Variants in KEL observed in about 807,000 individuals in gnomAD.
The protein encoded by KEL is kell blood group glycoprotein.
Under a neutral mutation model 99.5 loss-of-function variants are expected in KEL, and 96 were observed. The ratio of observed to expected loss-of-function variants is 0.97; its 90% CI spans 0.82 to 1.14. The LOEUF (loss-of-function observed/expected upper bound fraction) is 1.14, where lower values mean the gene tolerates loss of function less well. Ranked by LOEUF, KEL falls within the 50% of genes most tolerant of loss-of-function variation. The probability of loss-of-function intolerance (pLI) is 0.00; values close to 1 mark genes in which losing one functional copy is unlikely to be tolerated. For missense variants in KEL, 926 were observed against 924.2 expected (o/e 1.00, Z -0.03); for synonymous variants, 355 against 354.8 (o/e 1.00, Z -0.01).
Position 142,942,857 on chromosome 7 carries a change from C to T in KEL, c.1941+18G>A. 2.5e-6 allele frequency: 4 copies of T among 1,613,990 alleles called. No individual in the cohort carries two copies. The highest frequency in any genetic ancestry group is 2.5e-6 in the Non-Finnish European group (3 of 1,179,870). On this transcript the variant is annotated intron_variant, in intron 17 of 18. Transcript: ENST00000355265. ...GTCTGCCAGTACACATAAACTGTGG[C>T]CCTTGACACTTGCATACCTGCAGCG...
At chr7:142,948,391 A>C (rs183167547) in intron 10 of KEL, among the ~76,000 whole-genome samples, 1 of 152,332 alleles carries the variant, frequency 6.6e-6, no homozygotes, top group East Asian at 1.9e-4. Context: ...CACCAGAAAA[A>C]AAAAGTTCCA....
In KEL at chr7:142,957,099, C is replaced by G. The variant is rs575806570; in HGVS notation, c.672+728G>C. Among the ~76,000 whole-genome samples the G allele has an allele frequency of 1.1e-4, 17 of 152,294 alleles. No homozygotes were observed. The East Asian group carries it at 3.3e-3, about 29-fold the overall frequency. On this transcript the variant is annotated intron_variant, in intron 6 of 18. Transcript: ENST00000355265. ...AACACAGAGTGATAAATGCTGAGAG[C>G]ATGAGGAAACGAAAGTAGGGAGAGC...
At position 142,954,475 on chromosome 7, in the gene KEL, A is replaced by G; in HGVS notation, c.725T>C (p.Ile242Thr). The G allele has an allele frequency of 6.2e-7, 1 of 1,614,024 alleles. No individual in the cohort carries two copies. Among genetic ancestry groups the G allele is most frequent in the Non-Finnish European group, 8.5e-7 (1 of 1,179,950 alleles). Residue 242 changes from isoleucine (I) to threonine (T), a missense_variant, in exon 7 of 19, where the codon ATC becomes ACC. Transcript: ENST00000355265. ...VPLKQDQEQK[I>T]YAQIFREYLT... is the part of the protein sequence containing the mutation. Reference sequence around the variant, plus strand: ...CATGTGCCATCTTACCTGGGCATAGATCTTCTGTTCTTGATCTTGCTTGAG... The same window carrying G: ...CATGTGCCATCTTACCTGGGCATAGGTCTTCTGTTCTTGATCTTGCTTGAG...
At chr7:142,946,682 A>C in intron 10 of KEL, 3 of 318,500 alleles carry the variant, frequency 9.4e-6, no homozygotes, top group Non-Finnish European at 1.2e-5. Context: ...CCACCACTCT[A>C]CTCCGGGGTC....
chr7:142,958,262 A>G lies in KEL; in HGVS notation c.525+42T>C, dbSNP rs1380998530. 4 of 1,613,628 alleles carry G rather than the reference A, an allele frequency of 2.5e-6. No individual in the cohort carries two copies. The African/African-American group carries it at 4.0e-5, about 16-fold the overall frequency. ...AGCCCTAAGCATGCATTGGTCCCAT[A>G]TGTTATGTATCCAGAAAAGTTAATA... On this transcript the variant is annotated intron_variant, in intron 5 of 18. Transcript: ENST00000355265.
At chr7:142,955,869 C>A (rs548734273) in intron 6 of KEL, among the ~76,000 whole-genome samples, 6 of 152,192 alleles carry the variant, frequency 3.9e-5, no homozygotes, top group Admixed American at 1.3e-4. Context: ...GTGTCCACTG[C>A]CATAACTGTT....
chr7:142,949,162 A>C (rs187992133), intron 10 of KEL, among the ~76,000 whole-genome samples: 64 of 152,318 alleles, frequency 4.2e-4, no homozygotes, highest in Admixed American at 4.2e-3. Context: ...AACAATATCT[A>C]GTCTACCTTC....
chr7:142,944,799 C>T (rs1031456831), intron 11 of KEL, 58 bp from the exon 12 acceptor site: 33 of 1,347,424 alleles, frequency 2.4e-5, no homozygotes, highest in Non-Finnish European at 3.5e-5. Context: ...TCAGCCTGGC[C>T]CTGCCCACAG....
chr7:142,944,607 A>C (rs766640732), intron 12 of KEL, 36 bp downstream of exon 12: 1 of 1,527,474 alleles, frequency 6.5e-7, no homozygotes, highest in Non-Finnish European at 9.1e-7. Flanking sequence ...CATTCCCTGC[A>C]CAGGCTCCCA....
At chr7:142,957,043 T>C (rs1796845143) in intron 6 of KEL, among the ~76,000 whole-genome samples, 1 of 152,208 alleles carries the variant, frequency 6.6e-6, no homozygotes, top group South Asian at 2.1e-4. Context: ...GAATAAAGCA[T>C]GGTCCTGTTC....
chr7:142,941,515 G>T (rs1365010107), intron 18 of KEL, 102 bp from the exon 19 acceptor site: 12 of 1,154,738 alleles, frequency 1.0e-5, no homozygotes, highest in African/African-American at 1.5e-5. Flanking sequence ...GGGAACCAGG[G>T]GATCAAGTGC....
chr7:142,960,861 A>G (rs560510252), intron 4 of KEL, 67 bp downstream of exon 4: 20 of 1,449,254 alleles, frequency 1.4e-5, no homozygotes, highest in Non-Finnish European at 1.8e-5. Flanking sequence ...GGTTTGGAGC[A>G]GTCATGGTCA....
chr7:142,954,032 G>A (rs1431838388), intron 8 of KEL, 76 bp from the exon 9 acceptor site: 1 of 1,574,928 alleles, frequency 6.3e-7, no homozygotes, highest in Non-Finnish European at 8.7e-7. Context: ...TTGGGTGTGA[G>A]AAAAAGAAGA....
At chr7:142,944,830 G>A in intron 11 of KEL, 89 bp from the exon 12 acceptor site, 2 of 1,061,062 alleles carry the variant, frequency 1.9e-6, no homozygotes, top group Non-Finnish European at 2.9e-6. Flanking sequence ...TTGGAAAAGG[G>A]CTTGGCCCCA....
In KEL at chr7:142,942,883, C is replaced by A. The variant is rs767499938; in HGVS notation, c.1933G>T (p.Ala645Ser). Reference sequence around the variant, plus strand: ...CCTTGACACTTGCATACCTGCAGCGCGATGGCTAGCCCCCCAACGTCTGCA... The same window carrying A: ...CCTTGACACTTGCATACCTGCAGCGAGATGGCTAGCCCCCCAACGTCTGCA... Reference protein sequence around the residue: ...NAADVGGLAIALQAYSKRLLR... With the variant: ...NAADVGGLAISLQAYSKRLLR... Residue 645 changes from alanine to serine, a missense_variant, in exon 17 of 19, where the codon GCG (alanine) becomes TCG (serine). By Grantham distance (99) the Ala-to-Ser change is moderately conservative. Coordinates refer to ENST00000355265, the MANE Select transcript of KEL (RefSeq NM_000420.3). 2.5e-6 allele frequency: 4 copies of A among 1,614,176 alleles called. No individual in the cohort carries two copies. Among genetic ancestry groups the A allele is most frequent in the Non-Finnish European group, 3.4e-6 (4 of 1,180,032 alleles).
intron 6 of KEL, 66 bp from the exon 7 acceptor site, chr7:142,954,593 G>A: frequency 7.1e-7 from 1 of 1,399,558 alleles, no homozygotes; most frequent in African/African-American, 1.4e-5. Context: ...GTGTGGGGAG[G>A]TGGGGAATAT....
At chr7:142,952,786 A>AT in intron 9 of KEL, 148 bp from the exon 10 acceptor site, 1 of 910,104 alleles carries the variant, frequency 1.1e-6, no homozygotes, top group Non-Finnish European at 1.7e-6. Flanking sequence ...CACCCAAGTC[A>AT]AAAAGAGCTT....
At chr7:142,961,331 T>G (rs776195592) in intron 3 of KEL, 29 bp downstream of exon 3, 2 of 1,612,634 alleles carry the variant, frequency 1.2e-6, no homozygotes, top group African/African-American at 1.3e-5. Flanking sequence ...GAGGGCTGAC[T>G]AGGTTAGGGG....
At chr7:142,961,187 G>A (rs982047641) in intron 3 of KEL, 83 bp from the exon 4 acceptor site, 1 of 1,531,494 alleles carries the variant, frequency 6.5e-7, no homozygotes, top group South Asian at 1.1e-5. Context: ...AACATCAGGT[G>A]AGTAACTAAG....
Sources: gnomAD v4.1 joint callset for allele counts (sites outside exome capture counted in the v4.1 genomes callset) on GRCh38, gnomAD v4.1.1 for gene constraint, MANE v1.5 for transcripts, NCBI Gene and HGNC (gene_info 2026-07-23, HGNC 2026-07-21) for gene names.